Variants in LRRTM4 observed in about 807,000 individuals in gnomAD.
The protein encoded by LRRTM4 is leucine-rich repeat transmembrane neuronal protein 4.
A neutral mutation model predicts 47.6 loss-of-function variants in LRRTM4; 25 were observed. That is an observed-to-expected ratio of 0.53 (90% CI 0.38 to 0.73). The LOEUF is 0.73. Among genes scored for constraint, LRRTM4 ranks in the 30% least tolerant of loss-of-function variants. LRRTM4 has a pLI of 0.00. For missense variants in LRRTM4, 638 were observed against 713.4 expected (o/e 0.89, Z 1.20); for synonymous variants, 311 against 269.5 (o/e 1.15, Z -1.51).
intron 3 of LRRTM4, among the ~76,000 whole-genome samples, chr2:76,981,433 T>G (rs374797391): frequency 5.9e-5 from 9 of 152,212 alleles, no homozygotes; most frequent in African/African-American, 2.2e-4. Flanking sequence ...GCTTTGCAAA[T>G]CAAAATCTAT....
At chr2:77,219,697 T>A (rs951817050) in intron 3 of LRRTM4, among the ~76,000 whole-genome samples, 1 of 152,140 alleles carries the variant, frequency 6.6e-6, no homozygotes, top group Non-Finnish European at 1.5e-5. Flanking sequence ...ACCTGAGGAT[T>A]CCCGCCATTC....
rs181975426 is a variant in LRRTM4 at position 76,852,053 on chromosome 2, T to C, written c.1552-103137A>G. Among the ~76,000 whole-genome samples, 5 of 152,274 alleles carry C rather than the reference T, an allele frequency of 3.3e-5. No homozygotes were observed. The East Asian group carries it at 9.7e-4, about 29-fold the overall frequency. On this transcript the variant is annotated intron_variant, in intron 3 of 3. Transcript: ENST00000409884. ...CACTTTTTTTCTAATCCTGTTCAGA[T>C]ATAGCTAATGATTTTTGAGCTCTTA...
intron 3 of LRRTM4, among the ~76,000 whole-genome samples, chr2:76,914,981 AC>A (rs1250856068): frequency 6.6e-6 from 1 of 152,240 alleles, no homozygotes; most frequent in African/African-American, 2.4e-5. Flanking sequence ...GTTGAAATCC[AC>A]TGAGGTACGC....
At chr2:77,179,692 A>G (rs113367804) in intron 3 of LRRTM4, among the ~76,000 whole-genome samples, 2 of 152,260 alleles carry the variant, frequency 1.3e-5, no homozygotes, top group African/African-American at 4.8e-5. Context: ...AGCTGGAGGA[A>G]AAAAGATGAG....
At chr2:77,088,920 C>T (rs1410627325) in intron 3 of LRRTM4, among the ~76,000 whole-genome samples, 2 of 152,170 alleles carry the variant, frequency 1.3e-5, no homozygotes, top group African/African-American at 4.8e-5. Context: ...TCTCTCCCTT[C>T]TCTTAATTTC....
chr2:77,224,560 C>G (rs192445448), intron 3 of LRRTM4, among the ~76,000 whole-genome samples: 2 of 152,270 alleles, frequency 1.3e-5, no homozygotes, highest in Admixed American at 6.5e-5. Flanking sequence ...AGGATAAGAA[C>G]AGACATTTCT....
At chr2:76,844,247 G>C (rs1046819602) in intron 3 of LRRTM4, among the ~76,000 whole-genome samples, 8 of 151,946 alleles carry the variant, frequency 5.3e-5, no homozygotes, top group African/African-American at 9.7e-5. Context: ...CTATTCTCCT[G>C]CCTCAGCCTC....
chr2:76,771,505 C>A (rs1325994223), intron 3 of LRRTM4, among the ~76,000 whole-genome samples: 1 of 152,114 alleles, frequency 6.6e-6, no homozygotes, highest in Admixed American at 6.5e-5. Context: ...AACCACTGAG[C>A]TCCCACCACT....
rs915454639 is a variant in LRRTM4 at position 77,092,465 on chromosome 2, G to A, written c.1552-343549C>T. On this transcript the variant is annotated intron_variant, in intron 3 of 3. Transcript: ENST00000409884. Reference sequence around the variant, plus strand: ...TAGAACCTCTCATTTCCTTTCCCTCGTGGAAATCTATCCTCAAGGAAATAA... The same window carrying A: ...TAGAACCTCTCATTTCCTTTCCCTCATGGAAATCTATCCTCAAGGAAATAA... Among the ~76,000 whole-genome samples, 9 of 142,000 alleles carry A rather than the reference G, an allele frequency of 6.3e-5. 1 individual carries two copies. Among genetic ancestry groups the A allele is most frequent in the Non-Finnish European group, 8.9e-5 (6 of 67,572 alleles). The allele number at this position is 142,000 out of a possible 152,430, so 93.2% of individuals were successfully genotyped here. A position where few individuals can be genotyped will look rare whatever the true frequency, so the allele number is the denominator to read the frequency against.
At chr2:77,134,682 A>G (rs1253817488) in intron 3 of LRRTM4, among the ~76,000 whole-genome samples, 1 of 152,098 alleles carries the variant, frequency 6.6e-6, no homozygotes, top group East Asian at 1.9e-4. Context: ...TTGTTTCTGT[A>G]GACTTGAAAA....
chr2:76,780,009 C>A (rs577905510), intron 3 of LRRTM4, among the ~76,000 whole-genome samples: 182 of 152,132 alleles, frequency 1.2e-3, no homozygotes, highest in African/African-American at 4.2e-3. Context: ...TTTATTTCTC[C>A]TTCACTTATG....
intron 3 of LRRTM4, among the ~76,000 whole-genome samples, chr2:77,104,755 T>G (rs1329807785): frequency 6.6e-6 from 1 of 152,126 alleles, no homozygotes; most frequent in Non-Finnish European, 1.5e-5. Flanking sequence ...GTTTATTCAG[T>G]GCAGTCCAAT....
chr2:76,877,801 G>T (rs1004495201), intron 3 of LRRTM4, among the ~76,000 whole-genome samples: 3 of 152,064 alleles, frequency 2.0e-5, no homozygotes, highest in African/African-American at 7.2e-5. Flanking sequence ...AAGCTACAGG[G>T]ATGAAAAAGT....
chr2:76,807,487 C>CGT (rs1435590326), intron 3 of LRRTM4, among the ~76,000 whole-genome samples: 1 of 92,410 alleles, frequency 1.1e-5, no homozygotes, highest in Non-Finnish European at 2.1e-5. Context: ...TATATATATA[C>CGT]ATATATATAT....
chr2:77,277,516 A>AT (rs1676394710), intron 3 of LRRTM4, among the ~76,000 whole-genome samples: 1 of 152,002 alleles, frequency 6.6e-6, no homozygotes, highest in South Asian at 2.1e-4. Flanking sequence ...TATTCTTCAG[A>AT]TTTTCCATTT....
At chr2:77,350,776 A>C (rs1671737917) in intron 3 of LRRTM4, among the ~76,000 whole-genome samples, 1 of 152,054 alleles carries the variant, frequency 6.6e-6, no homozygotes, top group Non-Finnish European at 1.5e-5. Context: ...GAAGAAAACA[A>C]TCTAAAATAT....
chr2:76,988,346 G>GTACA (rs1676877053), intron 3 of LRRTM4, among the ~76,000 whole-genome samples: 1 of 151,808 alleles, frequency 6.6e-6, no homozygotes, highest in South Asian at 2.1e-4. Context: ...CCAAAACATG[G>GTACA]TACATGTTCC....
intron 3 of LRRTM4, among the ~76,000 whole-genome samples, chr2:76,951,909 G>T (rs182043275): frequency 2.8e-4 from 42 of 151,956 alleles, no homozygotes; most frequent in Admixed American, 4.6e-4. Context: ...ATGTTAGTTT[G>T]CTGAGAATGA....
intron 3 of LRRTM4, among the ~76,000 whole-genome samples, chr2:77,362,185 G>GGAAGGAAGGA (rs1558707532): frequency 6.6e-6 from 1 of 151,530 alleles, no homozygotes; most frequent in African/African-American, 2.4e-5. Flanking sequence ...AAGGAAGGAA[G>GGAAGGAAGGA]AGTTCTTAAT....
Sources: gnomAD v4.1 joint callset for allele counts (sites outside exome capture counted in the v4.1 genomes callset) on GRCh38, gnomAD v4.1.1 for gene constraint, MANE v1.5 for transcripts, NCBI Gene and HGNC (gene_info 2026-07-23, HGNC 2026-07-21) for gene names.